Variants in GANAB observed in about 807,000 individuals in gnomAD.
The protein encoded by GANAB is neutral alpha-glucosidase AB.
GANAB carries 35 observed loss-of-function variants against 129.9 expected under a neutral mutation model. That is an observed-to-expected ratio of 0.27 (90% CI 0.21 to 0.36). The LOEUF is 0.36. Ranked by LOEUF, GANAB falls within the 10% of genes least tolerant of loss-of-function variation. GANAB has a pLI of 1.00. For synonymous variants in GANAB, 482 were observed against 451.8 expected, an observed-to-expected ratio of 1.07 and a Z score of -0.85; for missense variants, 939 against 1,221.0, an observed-to-expected ratio of 0.77 and a Z score of 3.44.
chr11:62,641,383 G>A (rs889864126), intron 1 of GANAB, among the ~76,000 whole-genome samples: 2 of 148,930 alleles, frequency 1.3e-5, no homozygotes, highest in Non-Finnish European at 3.0e-5. Flanking sequence ...CTAGCCTGCT[G>A]GTTACAGTTC....
At chr11:62,634,655 A>C in intron 5 of GANAB, 166 bp downstream of exon 5, 1 of 641,564 alleles carries the variant, frequency 1.6e-6, no homozygotes, top group Non-Finnish European at 2.7e-6. Flanking sequence ...AGGAAATGGA[A>C]AAAACCGCAC....
rs373280314 is a variant in GANAB, at chr11:62,638,970, A to C, written c.380+13T>G. 7 of 1,612,012 alleles carry C rather than the reference A, an allele frequency of 4.3e-6. No homozygotes were observed. The highest frequency in any genetic ancestry group is 5.1e-6 in the Non-Finnish European group (6 of 1,178,732). On this transcript the variant is annotated intron_variant, in intron 4 of 23. Coordinates refer to ENST00000356638, the MANE Select transcript of GANAB (RefSeq NM_198334.3). The stretch of plus-strand genomic sequence containing the variant: ...GGGGCCACAGAAATGGATGTTTCTC[A>C]GGAAAAATTTACCGGGCTATTGGTG...
Position 62,633,458 on chromosome 11 carries a change from C to G in GANAB, c.617G>C (p.Arg206Thr). ...GDGAQPEETPRDGDKPEETQG... is the reference protein window; with the variant it reads ...GDGAQPEETPTDGDKPEETQG... ...GCTCCAACTTGCCTTGTCGCCATCCCTGGGTGTTTCCTCAGGCTGGGCCCC... is the reference window on the plus strand; with the variant it reads ...GCTCCAACTTGCCTTGTCGCCATCCGTGGGTGTTTCCTCAGGCTGGGCCCC... The change falls in exon 6 of 24, where the codon AGG becomes ACG. Residue 206 changes from arginine (R) to threonine (T), a missense_variant. Physicochemically the swap from Arg to Thr is moderately conservative, Grantham distance 71. This residue lies in a region of GANAB where 321 missense variants were observed against 329.1 expected (regional missense o/e 0.98). Transcript: ENST00000356638. 6.2e-7 allele frequency: 1 copy of G among 1,614,046 alleles called. No individual in the cohort carries two copies. The highest frequency in any genetic ancestry group is 8.5e-7 in the Non-Finnish European group (1 of 1,180,014).
intron 1 of GANAB, among the ~76,000 whole-genome samples, chr11:62,641,871 C>T (rs1944278914): frequency 6.6e-6 from 1 of 150,450 alleles, no homozygotes. Context: ...CTCGCCACAG[C>T]ACCCAGCTAA....
chr11:62,639,532 A>G, intron 2 of GANAB, 65 bp from the exon 3 acceptor site: 1 of 1,446,964 alleles, frequency 6.9e-7, no homozygotes, highest in Non-Finnish European at 9.7e-7. Context: ...TCAGTCTATC[A>G]CCTGCAGTGT....
At chr11:62,629,788 C>T (rs981906447) in intron 14 of GANAB, 26 bp downstream of exon 14, 1 of 1,613,492 alleles carries the variant, frequency 6.2e-7, no homozygotes, top group Non-Finnish European at 8.5e-7. Flanking sequence ...CCTCTTTCCA[C>T]CAACTCTCCT....
Position 62,646,602 on chromosome 11 carries a change from T to C in GANAB, c.-3A>G, listed in dbSNP as rs898843758. 3 of 1,613,880 alleles carry C rather than the reference T, an allele frequency of 1.9e-6. No individual in the cohort carries two copies. The highest frequency in any genetic ancestry group is 1.7e-5 in the Admixed American group (1 of 59,998). On this transcript the variant is annotated 5_prime_UTR_variant, in exon 1 of 24. Transcript: ENST00000356638. ...GCCACTGCCGCTACCGCCGCCATCT[T>C]GTGCAGAGTTTGCTCCTTGACCCCA...
intron 5 of GANAB, 45 bp downstream of exon 5, chr11:62,634,776 G>A: frequency 7.3e-6 from 11 of 1,500,408 alleles, no homozygotes; most frequent in Non-Finnish European, 1.0e-5. Flanking sequence ...ACACCCCTAT[G>A]CTCTTTCACA....
At chr11:62,640,896 G>A (rs919627147) in intron 1 of GANAB, among the ~76,000 whole-genome samples, 4 of 149,976 alleles carry the variant, frequency 2.7e-5, no homozygotes, top group African/African-American at 9.8e-5. Flanking sequence ...AGGCCCTGGT[G>A]TTGACTCTGG....
chr11:62,644,627 T>G (rs185143474), intron 1 of GANAB, among the ~76,000 whole-genome samples: 18 of 151,890 alleles, frequency 1.2e-4, no homozygotes, highest in African/African-American at 4.3e-4. Flanking sequence ...CTCAAAAAAG[T>G]AAATTAATTA....
rs1220609730 is a variant in GANAB at position 62,632,869 on chromosome 11, T to C, written c.816-124A>G. ...CCTCTTGTCCTTTCTCAAAAAATTT[T>C]CTATCACCAAAGGTGATTCTGGACA... On this transcript the variant is annotated intron_variant, in intron 8 of 23. Transcript: ENST00000356638. The C allele has an allele frequency of 2.7e-5, 27 of 1,003,938 alleles. 1 individual carries two copies. In the South Asian group the frequency reaches 3.2e-4, roughly 12 times the overall value. 62.2% of individuals were successfully genotyped at this position (1,003,938 alleles called of 1,614,324 possible). A position where few individuals can be genotyped will look rare whatever the true frequency, so the allele number is the denominator to read the frequency against.
intron 9 of GANAB, among the ~76,000 whole-genome samples, chr11:62,632,223 C>T (rs553525556): frequency 7.2e-5 from 11 of 152,268 alleles, no homozygotes; most frequent in African/African-American, 2.4e-4. Flanking sequence ...ATCCGCCCAC[C>T]TCAGCCTCCC....
chr11:62,632,847 CTT>C (rs927045506), intron 8 of GANAB, 102 bp from the exon 9 acceptor site: 1 of 1,072,668 alleles, frequency 9.3e-7, no homozygotes, highest in African/African-American at 1.6e-5. Context: ...AAAGGCTCCT[CTT>C]GTCCTTTCTC....
intron 3 of GANAB, 54 bp downstream of exon 3, chr11:62,639,305 T>C (rs771886783): frequency 3.0e-5 from 39 of 1,319,196 alleles, no homozygotes; most frequent in Non-Finnish European, 4.2e-5. Context: ...CCTTTCCAAA[T>C]TACCCCACAG....
intron 10 of GANAB, 55 bp downstream of exon 10, chr11:62,630,975 A>G: frequency 1.3e-6 from 2 of 1,562,648 alleles, no homozygotes; most frequent in Non-Finnish European, 1.8e-6. Context: ...CTGAAAACAC[A>G]TAGAATCACC....
At chr11:62,629,751 T>C in intron 14 of GANAB, 63 bp downstream of exon 14, 1 of 1,606,594 alleles carries the variant, frequency 6.2e-7, no homozygotes, top group Non-Finnish European at 8.5e-7. Flanking sequence ...GCAAGTTCCC[T>C]AGGCCCTCAG....
At position 62,624,957 on chromosome 11, in the gene GANAB, C is replaced by CT. The variant is rs1943296148; in HGVS notation, c.*857_*858insA. On this transcript the variant is annotated 3_prime_UTR_variant, in exon 24 of 24. Transcript: ENST00000356638. ...ATTAGTCCTCCCCCAACCCCCCACC[C>CT]AGGGCTTCCAGCCAACCCCGAGCAC... The CT allele has an allele frequency of 2.5e-5, 5 of 197,300 alleles. No individual in the cohort carries two copies. The highest frequency in any genetic ancestry group is 5.2e-5 in the Non-Finnish European group (5 of 96,246). 12.2% of individuals were successfully genotyped at this position (197,300 alleles called of 1,614,324 possible).
intron 1 of GANAB, among the ~76,000 whole-genome samples, chr11:62,641,395 T>G (rs1433851170): frequency 6.7e-6 from 1 of 148,324 alleles, no homozygotes; most frequent in East Asian, 2.0e-4. Flanking sequence ...TTACAGTTCC[T>G]AGGGTCCTAA....
intron 1 of GANAB, among the ~76,000 whole-genome samples, chr11:62,643,392 C>G (rs1034959194): frequency 2.6e-5 from 4 of 151,932 alleles, no homozygotes; most frequent in Middle Eastern, 6.3e-3. Flanking sequence ...AATCCCAGCT[C>G]TTTGTGAAGC....
Sources: allele counts gnomAD v4.1 joint callset (sites outside exome capture counted in the v4.1 genomes callset), GRCh38; gene constraint gnomAD v4.1.1; regional missense constraint gnomAD v4.1.1; transcripts MANE v1.5; gene names NCBI Gene and HGNC (gene_info 2026-07-23, HGNC 2026-07-21).